ASTN1: variants seen among roughly 807,000 people sequenced by gnomAD.
The protein encoded by ASTN1 is astrotactin 1.
Under a neutral mutation model 140.7 loss-of-function variants are expected in ASTN1, and 41 were observed. The observed-to-expected ratio is 0.29, with a 90% CI of 0.23 to 0.38. The LOEUF is 0.38. ASTN1 is among the 10% of genes least tolerant of loss of function. The pLI is 1.00. For missense variants in ASTN1, 1,479 were observed against 1,678.8 expected (o/e 0.88, Z 2.08); for synonymous variants, 640 against 652.2 (o/e 0.98, Z 0.29).
At chr1:176,966,939 A>T (rs940473325) in intron 8 of ASTN1, among the ~76,000 whole-genome samples, 1 of 152,054 alleles carries the variant, frequency 6.6e-6, no homozygotes, top group Non-Finnish European at 1.5e-5. Context: ...TATAAATTTT[A>T]TTTACACATA....
intron 1 of ASTN1, among the ~76,000 whole-genome samples, chr1:177,102,154 A>C (rs1391581275): frequency 6.6e-6 from 1 of 152,208 alleles, no homozygotes. Context: ...TTTGTGCTCC[A>C]TCTATAAGCT....
At chr1:177,156,343 A>C (rs1038330325) in intron 1 of ASTN1, among the ~76,000 whole-genome samples, 2 of 151,722 alleles carry the variant, frequency 1.3e-5, no homozygotes, top group Non-Finnish European at 2.9e-5. Flanking sequence ...GAATAGGGGC[A>C]GGTAATATGC....
At position 176,868,942 on chromosome 1, in the gene ASTN1, C is replaced by G. The variant is rs201097215; in HGVS notation, c.3549G>C (p.Leu1183=). Residue 1183 remains leucine, a synonymous_variant, in exon 22 of 23, where the codon CTG becomes CTC. Transcript: ENST00000361833. The part of the protein sequence containing the change: ...QQTAYNTLLD[L]GSPTLHRVLY... The stretch of plus-strand genomic sequence containing the variant: ...GGACCCGGTGTAAGGTGGGGGAACC[C>G]AGATCCAGGAGGGTGTTGTAGGCGG... 6.2e-7 allele frequency: 1 copy of G among 1,613,020 alleles called. No homozygotes were observed.
Position 176,919,177 on chromosome 1 carries a change from C to A in ASTN1, c.2671+14975G>T, listed in dbSNP as rs972632. On this transcript the variant is annotated intron_variant, in intron 16 of 22. Coordinates refer to ENST00000361833, the MANE Select transcript of ASTN1 (RefSeq NM_004319.3). The stretch of plus-strand genomic sequence containing the variant: ...CTACTCTAACAAAGCAGGGATTATG[C>A]CTCTCATGCGGTGTTGTTTGCCCCA... Among the ~76,000 whole-genome samples, 47 of 152,098 alleles carry A rather than the reference C, an allele frequency of 3.1e-4. No individual in the cohort carries two copies. In the Middle Eastern group the frequency reaches 0.01, roughly 33 times the overall value.
intron 1 of ASTN1, among the ~76,000 whole-genome samples, chr1:177,069,756 A>G (rs1380316997): frequency 1.3e-5 from 2 of 152,136 alleles, no homozygotes; most frequent in Non-Finnish European, 2.9e-5. Context: ...GATTTCATCC[A>G]AACTGATTTG....
chr1:176,965,032 T>C (rs1265464366), intron 9 of ASTN1, 131 bp downstream of exon 9: 3 of 814,546 alleles, frequency 3.7e-6, no homozygotes, highest in Non-Finnish European at 6.2e-6. Flanking sequence ...CAAACACTTT[T>C]GTTAGCAGGT....
intron 1 of ASTN1, among the ~76,000 whole-genome samples, chr1:177,151,842 G>C (rs979437601): frequency 2.0e-5 from 3 of 152,200 alleles, no homozygotes; most frequent in African/African-American, 7.2e-5. Context: ...ATGAAGCTAA[G>C]AACATGTGGT....
intron 8 of ASTN1, among the ~76,000 whole-genome samples, chr1:177,009,951 T>G (rs995535622): frequency 6.6e-6 from 1 of 152,208 alleles, no homozygotes; most frequent in African/African-American, 2.4e-5. Context: ...AATCAGGCTA[T>G]TATTTACTGG....
chr1:177,054,158 C>G (rs1677680753), intron 2 of ASTN1, among the ~76,000 whole-genome samples: 2 of 152,164 alleles, frequency 1.3e-5, no homozygotes, highest in African/African-American at 4.8e-5. Flanking sequence ...GTCCTGCAAA[C>G]TAATAGTTGT....
At chr1:176,916,356 C>T (rs1670480413) in intron 16 of ASTN1, among the ~76,000 whole-genome samples, 2 of 152,280 alleles carry the variant, frequency 1.3e-5, no homozygotes. Flanking sequence ...CCTTTGGCAT[C>T]CCCAGACATG....
chr1:177,044,127 A>C (rs376584517), intron 2 of ASTN1, among the ~76,000 whole-genome samples: 3 of 151,736 alleles, frequency 2.0e-5, no homozygotes, highest in African/African-American at 7.3e-5. Flanking sequence ...GCTACTGTAC[A>C]AGTCTTCAAA....
Position 176,861,792 on chromosome 1 carries a change from G to T in ASTN1, c.*2492C>A, listed in dbSNP as rs563610819. 75 of 985,438 alleles carry T rather than the reference G, an allele frequency of 7.6e-5. No individual in the cohort carries two copies. In the African/African-American group the frequency reaches 1.2e-3, roughly 16 times the overall value. 61.0% of individuals were successfully genotyped at this position (985,438 alleles called of 1,614,324 possible). A position where few individuals can be genotyped will look rare whatever the true frequency, so the allele number is the denominator to read the frequency against. ...AGGAGGCCAAAAAAGGAGGGTCACAGAAAGAAGAAGTAAAAGACAAAGATA... is the reference window on the plus strand; with the variant it reads ...AGGAGGCCAAAAAAGGAGGGTCACATAAAGAAGAAGTAAAAGACAAAGATA... On this transcript the variant is annotated 3_prime_UTR_variant, in exon 23 of 23. Coordinates refer to ENST00000361833, the MANE Select transcript of ASTN1 (RefSeq NM_004319.3).
chr1:177,003,673 A>G (rs1413399794), intron 8 of ASTN1, among the ~76,000 whole-genome samples: 5 of 151,998 alleles, frequency 3.3e-5, no homozygotes, highest in African/African-American at 1.2e-4. Flanking sequence ...TTAGCTGGGT[A>G]TGGTGGCAGG....
intron 1 of ASTN1, among the ~76,000 whole-genome samples, chr1:177,145,108 C>G (rs1471427052): frequency 2.0e-5 from 3 of 152,162 alleles, no homozygotes; most frequent in Non-Finnish European, 4.4e-5. Context: ...TCAGATAACT[C>G]TCAGATTCCT....
At chr1:177,064,680 C>T (rs1330855247) in intron 1 of ASTN1, among the ~76,000 whole-genome samples, 1 of 152,198 alleles carries the variant, frequency 6.6e-6, no homozygotes, top group South Asian at 2.1e-4. Flanking sequence ...ACTAGACTCA[C>T]CATAGAGGGC....
chr1:177,111,991 G>A lies in ASTN1; in HGVS notation c.284-50726C>T, dbSNP rs936302741. Among the ~76,000 whole-genome samples the A allele has an allele frequency of 8.5e-5, 13 of 152,104 alleles. No individual in the cohort carries two copies. The South Asian group carries it at 1.9e-3, about 22-fold the overall frequency. ...TTCTGTAGCCTTTCTCCAAGTTCCCGGGTTCTGCTTTCCATTTCACACTCC... is the reference window on the plus strand; with the variant it reads ...TTCTGTAGCCTTTCTCCAAGTTCCCAGGTTCTGCTTTCCATTTCACACTCC... On this transcript the variant is annotated intron_variant, in intron 1 of 22. Coordinates refer to ENST00000361833, the MANE Select transcript of ASTN1 (RefSeq NM_004319.3).
At chr1:176,996,978 T>G (rs1674486167) in intron 8 of ASTN1, among the ~76,000 whole-genome samples, 1 of 152,086 alleles carries the variant, frequency 6.6e-6, no homozygotes, top group Non-Finnish European at 1.5e-5. Context: ...ACCAAACCAA[T>G]TCAAACAAAA....
intron 1 of ASTN1, among the ~76,000 whole-genome samples, chr1:177,142,104 C>G (rs1332410219): frequency 6.6e-6 from 1 of 152,116 alleles, no homozygotes; most frequent in Non-Finnish European, 1.5e-5. Flanking sequence ...TACCATGAAT[C>G]CCAGCTCTAA....
At chr1:177,088,552 T>C (rs1679585615) in intron 1 of ASTN1, among the ~76,000 whole-genome samples, 1 of 152,204 alleles carries the variant, frequency 6.6e-6, no homozygotes, top group Non-Finnish European at 1.5e-5. Context: ...AACACACTTT[T>C]TTTGTGAGTT....
Sources: allele counts gnomAD v4.1 joint callset (sites outside exome capture counted in the v4.1 genomes callset), GRCh38; gene constraint gnomAD v4.1.1; transcripts MANE v1.5; gene names NCBI Gene and HGNC (gene_info 2026-07-23, HGNC 2026-07-21).